The following DPP10 variants were observed in gnomAD, a reference collection of about 807,000 sequenced individuals.
DPP10 encodes dipeptidyl peptidase like 10.
In DPP10, 33 loss-of-function variants were observed where a neutral mutation model predicts 120.9. That is an observed-to-expected ratio of 0.27 (90% confidence interval 0.21 to 0.37). DPP10 has a LOEUF of 0.37. Among genes scored for constraint, DPP10 ranks in the 10% least tolerant of loss-of-function variants. The pLI is 1.00. For synonymous variants in DPP10, 337 were observed against 326.1 expected (o/e 1.03, Z -0.36); for missense variants, 816 against 942.8 (o/e 0.87, Z 1.76).
intron 5 of DPP10, among the ~76,000 whole-genome samples, chr2:115,582,048 A>G (rs1016172687): frequency 1.3e-5 from 2 of 152,180 alleles, no homozygotes; most frequent in Non-Finnish European, 2.9e-5. Flanking sequence ...GAGCAGGAGC[A>G]AAAGGAAGTA....
chr2:114,463,327 T>C (rs1354679806), intron 1 of DPP10: 2 of 152,112 alleles, frequency 1.3e-5, no homozygotes, highest in African/African-American at 2.4e-5. Context: ...GTCTGTAACC[T>C]CCCATTTGAA....
chr2:114,891,736 T>C (rs1692560526), intron 1 of DPP10, among the ~76,000 whole-genome samples: 1 of 152,232 alleles, frequency 6.6e-6, no homozygotes, highest in Admixed American at 6.5e-5. Context: ...TGCCACACTT[T>C]TAAATGTGTT....
At chr2:115,787,674 C>T (rs964790422) in intron 17 of DPP10, among the ~76,000 whole-genome samples, 13 of 151,998 alleles carry the variant, frequency 8.6e-5, no homozygotes, top group South Asian at 2.1e-4. Context: ...GATGCAATAA[C>T]GGCCAAAAAT....
rs147624419 is a variant in DPP10 at position 115,479,799 on chromosome 2, C to A, written c.272-19711C>A. Among the ~76,000 whole-genome samples the A allele has an allele frequency of 1.9e-3, 290 of 152,192 alleles. 2 individuals are homozygous for A. The highest frequency in any genetic ancestry group is 7.7e-3 in the South Asian group (37 of 4,822). On this transcript the variant is annotated intron_variant, in intron 3 of 25. Transcript: ENST00000410059. ...GGTTCGAAGTTGGGTGTGCACCAGTCTGGTAGAGACTAGCTCCACTTTTAG... is the reference window on the plus strand; with the variant it reads ...GGTTCGAAGTTGGGTGTGCACCAGTATGGTAGAGACTAGCTCCACTTTTAG...
chr2:115,117,914 G>C (rs1415186214), intron 1 of DPP10, among the ~76,000 whole-genome samples: 2 of 152,134 alleles, frequency 1.3e-5, no homozygotes, highest in African/African-American at 4.8e-5. Flanking sequence ...TGGAGAGCAT[G>C]GATGAACATC....
intron 1 of DPP10, among the ~76,000 whole-genome samples, chr2:115,248,962 AAAAG>A (rs1174320443): frequency 6.6e-6 from 1 of 152,148 alleles, no homozygotes; most frequent in Non-Finnish European, 1.5e-5. Context: ...ATGTCACAGA[AAAAG>A]AGACAGTTTG....
chr2:114,446,361 G>GA (rs1228193331), intron 1 of DPP10, among the ~76,000 whole-genome samples: 1 of 152,134 alleles, frequency 6.6e-6, no homozygotes, highest in Non-Finnish European at 1.5e-5. Flanking sequence ...AATGAGTAGA[G>GA]AAAATCCTTC....
chr2:114,446,315 C>T (rs181487499), intron 1 of DPP10, among the ~76,000 whole-genome samples: 2 of 152,282 alleles, frequency 1.3e-5, no homozygotes, highest in East Asian at 3.9e-4. Context: ...ATTTCTTTCA[C>T]ATTTGAATAT....
At chr2:114,978,823 A>G (rs976407344) in intron 1 of DPP10, among the ~76,000 whole-genome samples, 1 of 152,162 alleles carries the variant, frequency 6.6e-6, no homozygotes, top group African/African-American at 2.4e-5. Context: ...ACTTTAATGA[A>G]GAGGAATGTT....
intron 1 of DPP10, among the ~76,000 whole-genome samples, chr2:114,500,193 C>T (rs1299896454): frequency 6.6e-6 from 1 of 152,224 alleles, no homozygotes; most frequent in Admixed American, 6.5e-5. Context: ...AGAAGCCTGC[C>T]ACACAGTAGC....
At chr2:115,283,428 T>C (rs1574287507) in intron 1 of DPP10, among the ~76,000 whole-genome samples, 1 of 152,062 alleles carries the variant, frequency 6.6e-6, no homozygotes. Flanking sequence ...TCATACTAAT[T>C]ATTTTTACTA....
In DPP10 at chr2:115,343,423, A is replaced by G. The variant is rs1351407338; in HGVS notation, c.176-394A>G. 2.6e-5 allele frequency among the ~76,000 whole-genome samples: 4 copies of G among 152,272 alleles called. No homozygotes were observed. The East Asian group carries it at 7.8e-4, about 30-fold the overall frequency. ...TCAAGTCTACCATCTTTGGTTTTTA[A>G]CAACAAAACTGTACATTTCCAATGA... On this transcript the variant is annotated intron_variant, in intron 2 of 25. Transcript: ENST00000410059.
intron 1 of DPP10, among the ~76,000 whole-genome samples, chr2:115,181,301 A>T (rs1159890034): frequency 6.6e-6 from 1 of 152,170 alleles, no homozygotes; most frequent in Non-Finnish European, 1.5e-5. Context: ...ACTTCATATC[A>T]TATCACTCCC....
intron 1 of DPP10, among the ~76,000 whole-genome samples, chr2:115,201,200 T>C (rs988844927): frequency 6.6e-6 from 1 of 152,190 alleles, no homozygotes; most frequent in Non-Finnish European, 1.5e-5. Flanking sequence ...CAGTGGCTCA[T>C]GCCTGTAATC....
In DPP10 at chr2:115,156,357, G is replaced by A. The variant is rs919161229; in HGVS notation, c.61-152882G>A. On this transcript the variant is annotated intron_variant, in intron 1 of 25. Coordinates refer to ENST00000410059, the MANE Select transcript of DPP10 (RefSeq NM_020868.6). ...ATGCCAGGGACTCTTTAATGTCAGC[G>A]GATGCTCTAGGGCTATTGCACCAGA... Among the ~76,000 whole-genome samples, 7 of 152,220 alleles carry A rather than the reference G, an allele frequency of 4.6e-5. 1 individual carries two copies. In the South Asian group the frequency reaches 1.0e-3, roughly 23 times the overall value.
At chr2:115,094,529 C>A (rs2104578701) in intron 1 of DPP10, among the ~76,000 whole-genome samples, 1 of 152,254 alleles carries the variant, frequency 6.6e-6, no homozygotes, top group Admixed American at 6.5e-5. Context: ...AGGTGATATT[C>A]TGCAAATACA....
intron 5 of DPP10, among the ~76,000 whole-genome samples, chr2:115,529,318 C>T (rs2078321469): frequency 6.6e-6 from 1 of 151,972 alleles, no homozygotes; most frequent in Non-Finnish European, 1.5e-5. Flanking sequence ...TACAGGCATG[C>T]ACCACCACGC....
chr2:115,415,841 TTATATATATATATATATA>T (rs70941057), intron 3 of DPP10, among the ~76,000 whole-genome samples: 18 of 74,296 alleles, frequency 2.4e-4, no homozygotes, highest in African/African-American at 3.6e-4. Context: ...TGATTTGCTT[TTATATATATATATATATA>T]TATATATATA....
intron 1 of DPP10, among the ~76,000 whole-genome samples, chr2:114,865,831 G>A (rs1320749349): frequency 6.6e-6 from 1 of 152,066 alleles, no homozygotes; most frequent in Non-Finnish European, 1.5e-5. Context: ...CTTATGTGTT[G>A]GCCAGACACG....
Sources: allele counts gnomAD v4.1 joint callset (sites outside exome capture counted in the v4.1 genomes callset), GRCh38; gene constraint gnomAD v4.1.1; transcripts MANE v1.5; gene names NCBI Gene and HGNC (gene_info 2026-07-23, HGNC 2026-07-21).